The following FYB2 variants were observed in gnomAD, a reference collection of about 807,000 sequenced individuals.
FYB2 encodes the protein FYN binding protein 2.
A neutral mutation model predicts 94.1 loss-of-function variants in FYB2; 103 were observed. The observed-to-expected ratio is 1.09, with a 90% confidence interval of 0.93 to 1.29. FYB2 has a LOEUF of 1.29. Ranked by LOEUF, FYB2 falls within the 50% of genes most tolerant of loss-of-function variation. The pLI is 0.00. For missense variants in FYB2, 896 were observed against 841.5 expected (o/e 1.06, Z -0.80); for synonymous variants, 293 against 287.9 (o/e 1.02, Z -0.18).
At chr1:56,804,255 C>A (rs990883966) in intron 1 of FYB2, among the ~76,000 whole-genome samples, 1 of 152,126 alleles carries the variant, frequency 6.6e-6, no homozygotes, top group Non-Finnish European at 1.5e-5. Flanking sequence ...CTTTGTGGAG[C>A]CTACAGTTTC....
At chr1:56,783,166 T>G (rs925505324) in intron 4 of FYB2, among the ~76,000 whole-genome samples, 25 of 152,182 alleles carry the variant, frequency 1.6e-4, no homozygotes, top group African/African-American at 5.8e-4. Flanking sequence ...TCATTGAGTT[T>G]GTGTTTTCCA....
chr1:56,740,648 T>A, intron 13 of FYB2, 49 bp downstream of exon 13: 1 of 1,102,508 alleles, frequency 9.1e-7, no homozygotes, highest in Non-Finnish European at 1.3e-6. Flanking sequence ...AACTTGTGTA[T>A]CTACCAGGTT....
At chr1:56,792,994 T>C (rs1363291105) in intron 1 of FYB2, among the ~76,000 whole-genome samples, 191 bp from the exon 2 acceptor site, 1 of 152,166 alleles carries the variant, frequency 6.6e-6, no homozygotes. Context: ...GCAATGCTAT[T>C]GTCTATATGA....
At chr1:56,754,389 T>C (rs17114275) in intron 7 of FYB2, among the ~76,000 whole-genome samples, 13,976 of 152,124 alleles carry the variant, frequency 0.092, 826 homozygotes, top group East Asian at 0.23. Context: ...CCCTTCATGA[T>C]ATAGCTAAAT....
intron 4 of FYB2, among the ~76,000 whole-genome samples, chr1:56,786,838 T>C (rs1356670720): frequency 6.6e-6 from 1 of 152,156 alleles, no homozygotes; most frequent in Non-Finnish European, 1.5e-5. Flanking sequence ...CTATTACCAA[T>C]TCCTAACATC....
At position 56,752,296 on chromosome 1, in the gene FYB2, T is replaced by G. The variant is rs1167461804; in HGVS notation, c.1228-1093A>C. On this transcript the variant is annotated intron_variant, in intron 8 of 19. Coordinates refer to ENST00000343433, the MANE Select transcript of FYB2 (RefSeq NM_001004303.5). ...CATTTACATTTCAAAATGTTCTGGA[T>G]AGACTGACAGGACGAGACCCTGGAG... Among the ~76,000 whole-genome samples, 4 of 152,012 alleles carry G rather than the reference T, an allele frequency of 2.6e-5. No individual in the cohort carries two copies. The East Asian group carries it at 7.7e-4, about 29-fold the overall frequency.
intron 5 of FYB2, among the ~76,000 whole-genome samples, chr1:56,766,440 T>C (rs1371950310): frequency 6.6e-6 from 1 of 151,976 alleles, no homozygotes; most frequent in African/African-American, 2.4e-5. Flanking sequence ...TCTTTTTTTT[T>C]CTTTTTTTTT....
At chr1:56,764,117 A>AT (rs150015724) in intron 5 of FYB2, among the ~76,000 whole-genome samples, 46 of 151,526 alleles carry the variant, frequency 3.0e-4, no homozygotes, top group South Asian at 2.1e-3. Context: ...CACCCAGCTA[A>AT]TTTTTTTTGT....
rs1646959911 is a variant in FYB2, at chr1:56,819,346, C to A, written c.-56G>T. ...AAGCCCAGCCTCTCAGAGCTGGGTC[C>A]TGGGGCCAACAATCCGCTTTCCTCT... is the stretch of plus-strand genomic sequence containing the variant. On this transcript the variant is annotated 5_prime_UTR_variant, in exon 1 of 20. The change creates a new upstream start codon in the 5' untranslated region. Transcript: ENST00000343433. The A allele has an allele frequency of 1.2e-6, 2 of 1,610,154 alleles. No individual in the cohort carries two copies. The highest frequency in any genetic ancestry group is 3.3e-5 in the Admixed American group (2 of 59,992).
intron 4 of FYB2, among the ~76,000 whole-genome samples, chr1:56,768,269 G>A (rs972887865): frequency 6.6e-6 from 1 of 152,200 alleles, no homozygotes; most frequent in African/African-American, 2.4e-5. Context: ...ACCAGATAAA[G>A]AGAAATCTTA....
At chr1:56,805,191 C>T (rs903705436) in intron 1 of FYB2, among the ~76,000 whole-genome samples, 2 of 152,162 alleles carry the variant, frequency 1.3e-5, no homozygotes, top group Non-Finnish European at 2.9e-5. Flanking sequence ...TACGTGTCTG[C>T]TTTACCACAC....
intron 19 of FYB2, 103 bp from the exon 20 acceptor site, chr1:56,719,795 G>T (rs1318173477): frequency 8.5e-7 from 1 of 1,183,420 alleles, no homozygotes. Flanking sequence ...ATATGTTTGT[G>T]TTCTTTTAAA....
At chr1:56,766,782 C>T (rs1441080020) in intron 5 of FYB2, among the ~76,000 whole-genome samples, 1 of 152,172 alleles carries the variant, frequency 6.6e-6, no homozygotes, top group Non-Finnish European at 1.5e-5. Flanking sequence ...TTCAGTAGGT[C>T]CTGATCCTTA....
chr1:56,746,225 G>A (rs1645063946), intron 9 of FYB2, among the ~76,000 whole-genome samples: 1 of 151,894 alleles, frequency 6.6e-6, no homozygotes, highest in Non-Finnish European at 1.5e-5. Flanking sequence ...GAACAGTGCT[G>A]GGCACATAAA....
At chr1:56,795,528 T>C (rs933817099) in intron 1 of FYB2, among the ~76,000 whole-genome samples, 27 of 152,188 alleles carry the variant, frequency 1.8e-4, no homozygotes, top group African/African-American at 6.3e-4. Flanking sequence ...ATGGTAATTC[T>C]ATTTTTAATT....
intron 4 of FYB2, among the ~76,000 whole-genome samples, chr1:56,768,447 G>T (rs2100816290): frequency 6.6e-6 from 1 of 152,228 alleles, no homozygotes; most frequent in Middle Eastern, 3.4e-3. Context: ...CTCTCCCAGG[G>T]AATGAGCTTG....
In FYB2 at chr1:56,802,839, C is replaced by G. The variant is rs373010915; in HGVS notation, c.10-10036G>C. On this transcript the variant is annotated intron_variant, in intron 1 of 19. Transcript: ENST00000343433. ...TCCTTGTCATGAAGGCCTTTCTGTC[C>G]ATCCATCACCAATTACAGAGCCATT... Among the ~76,000 whole-genome samples, 11 of 152,104 alleles carry G rather than the reference C, an allele frequency of 7.2e-5. No individual in the cohort carries two copies. In the East Asian group the frequency reaches 1.5e-3, roughly 21 times the overall value.
At chr1:56,728,238 G>C (rs1266541137) in intron 15 of FYB2, among the ~76,000 whole-genome samples, 1 of 151,892 alleles carries the variant, frequency 6.6e-6, no homozygotes. Context: ...TTTGCTCCCA[G>C]TCTTCACCTG....
rs576513742 is a variant in FYB2, at chr1:56,792,258, C to T, written c.555G>A (p.Lys185=). 6.2e-6 allele frequency: 10 copies of T among 1,612,212 alleles called. No homozygotes were observed. In the South Asian group the frequency reaches 1.1e-4, roughly 18 times the overall value. ...MGLTPEEPRK[K]LETKGAQTLP... ...GAGTCTGGGCTCCTTTTGTTTCCAG[C>T]TTTTTCCTGGGTTCCTCTGGAGTAA... The change falls in exon 2 of 20, where the codon AAG becomes AAA. Residue 185 remains lysine, a synonymous_variant. Transcript: ENST00000343433.
Sources: allele counts gnomAD v4.1 joint callset (sites outside exome capture counted in the v4.1 genomes callset), GRCh38; gene constraint gnomAD v4.1.1; transcripts MANE v1.5; gene names NCBI Gene and HGNC (gene_info 2026-07-23, HGNC 2026-07-21).